ZNF367: variants seen among roughly 807,000 people sequenced by gnomAD.
The protein encoded by ZNF367 is C2H2 zinc finger protein ZFF29.
Under a neutral mutation model 31.8 loss-of-function variants are expected in ZNF367, and 11 were observed. The ratio of observed to expected loss-of-function variants is 0.35; its 90% CI spans 0.22 to 0.57. The LOEUF is 0.57. Ranked by LOEUF, ZNF367 falls within the 20% of genes least tolerant of loss-of-function variation. ZNF367 has a pLI of 0.85. For synonymous variants in ZNF367, 199 were observed against 202.4 expected (o/e 0.98, Z 0.14); for missense variants, 353 against 484.1 (o/e 0.73, Z 2.54).
At chr9:96,399,461 A>G (rs1403923134) in intron 1 of ZNF367, among the ~76,000 whole-genome samples, 2 of 152,162 alleles carry the variant, frequency 1.3e-5, no homozygotes, top group Non-Finnish European at 2.9e-5. Flanking sequence ...TCAAGGCTAC[A>G]GTGAGTTATG....
chr9:96,407,417 T>C lies in ZNF367; in HGVS notation c.421-9103A>G. ...AAGAAGGCAAAGAAAATGATTGGTC[T>C]GAAGGCTAAGCTTTAACATAAACAG... On this transcript the variant is annotated intron_variant, in intron 1 of 4. Transcript: ENST00000375256. 6.2e-6 allele frequency: 9 copies of C among 1,454,794 alleles called. No homozygotes were observed. The South Asian group carries it at 9.1e-5, about 15-fold the overall frequency. 90.1% of individuals were successfully genotyped at this position (1,454,794 alleles called of 1,614,324 possible).
chr9:96,400,490 G>A (rs551863402), intron 1 of ZNF367, among the ~76,000 whole-genome samples: 1 of 149,792 alleles, frequency 6.7e-6, no homozygotes, highest in Non-Finnish European at 1.5e-5. Flanking sequence ...CAAAGAGACA[G>A]AAATTATAAA....
rs943683657 is a variant in ZNF367 at position 96,386,607 on chromosome 9, C to G, written c.*1630G>C. 6.6e-6 allele frequency: 1 copy of G among 152,050 alleles called. No homozygotes were observed. The highest frequency in any genetic ancestry group is 2.4e-5 in the African/African-American group (1 of 41,422). The allele number at this position is 152,050 out of a possible 1,614,324, so 9.4% of individuals were successfully genotyped here. On this transcript the variant is annotated 3_prime_UTR_variant, in exon 5 of 5. Transcript: ENST00000375256. ...ATAAATTCTCTTATTACAAAAAAAT[C>G]CCTAAAGATTTGTAATTTACTGTAC...
intron 1 of ZNF367, among the ~76,000 whole-genome samples, chr9:96,404,542 G>A (rs1007247850): frequency 3.3e-5 from 5 of 150,110 alleles, no homozygotes; most frequent in Non-Finnish European, 7.4e-5. Flanking sequence ...GCAGTGAGCC[G>A]AGATCACGCC....
intron 4 of ZNF367, among the ~76,000 whole-genome samples, chr9:96,389,875 G>A (rs1036249936): frequency 2.7e-5 from 4 of 147,906 alleles, no homozygotes; most frequent in African/African-American, 1.0e-4. Context: ...AATTATAGGC[G>A]CCCACCACCA....
chr9:96,404,191 T>C (rs1831642181), intron 1 of ZNF367, among the ~76,000 whole-genome samples: 1 of 151,600 alleles, frequency 6.6e-6, no homozygotes, highest in Admixed American at 6.6e-5. Flanking sequence ...CCGGGCGCGG[T>C]GGCTCACGCC....
chr9:96,405,338 T>A (rs868080972), intron 1 of ZNF367, among the ~76,000 whole-genome samples: 361 of 115,540 alleles, frequency 3.1e-3, no homozygotes, highest in African/African-American at 8.0e-3. Context: ...AAAAAAAAAA[T>A]CCTCAAAATT....
chr9:96,413,652 C>G (rs760883436), intron 1 of ZNF367, among the ~76,000 whole-genome samples: 2 of 152,142 alleles, frequency 1.3e-5, no homozygotes, highest in Non-Finnish European at 2.9e-5. Context: ...CTGCTTTCTT[C>G]CCTCTCAGAA....
At chr9:96,403,472 G>GT (rs945899859) in intron 1 of ZNF367, among the ~76,000 whole-genome samples, 5 of 151,666 alleles carry the variant, frequency 3.3e-5, no homozygotes, top group African/African-American at 7.3e-5. Context: ...AATTCCAGGG[G>GT]TTTTTTTTCT....
intron 1 of ZNF367, among the ~76,000 whole-genome samples, chr9:96,411,382 C>CA (rs1282481338): frequency 0.011 from 1,257 of 118,470 alleles, 9 homozygotes; most frequent in African/African-American, 0.03. Flanking sequence ...CCCCTGTCTA[C>CA]AAAAAAAAAA....
intron 2 of ZNF367, among the ~76,000 whole-genome samples, chr9:96,395,184 T>C (rs1367901338): frequency 6.6e-6 from 1 of 152,136 alleles, no homozygotes; most frequent in Non-Finnish European, 1.5e-5. Flanking sequence ...TTATCCCATA[T>C]TTTTTCTCCC....
intron 1 of ZNF367, among the ~76,000 whole-genome samples, chr9:96,411,473 G>C (rs1831748995): frequency 1.3e-5 from 2 of 151,958 alleles, no homozygotes; most frequent in Non-Finnish European, 2.9e-5. Flanking sequence ...TGAGGTGGGA[G>C]GATCACTTGA....
intron 1 of ZNF367, among the ~76,000 whole-genome samples, chr9:96,403,072 C>A (rs2131077088): frequency 6.6e-6 from 1 of 152,146 alleles, no homozygotes; most frequent in African/African-American, 2.4e-5. Context: ...CAGGTTCCAG[C>A]AATTCTCCTG....
intron 1 of ZNF367, among the ~76,000 whole-genome samples, chr9:96,410,900 C>CA (rs151061347): frequency 0.013 from 1,864 of 146,824 alleles, 17 homozygotes; most frequent in Non-Finnish European, 0.019. Context: ...CAAAACAAAA[C>CA]AAAAAAAACA....
At chr9:96,413,687 A>G (rs1831781632) in intron 1 of ZNF367, among the ~76,000 whole-genome samples, 1 of 152,148 alleles carries the variant, frequency 6.6e-6, no homozygotes, top group South Asian at 2.1e-4. Flanking sequence ...AGAAGATAAT[A>G]TATAATTATA....
chr9:96,417,972 T>C lies in ZNF367; in HGVS notation c.61A>G (p.Ile21Val), dbSNP rs750624888. ...CGCTTCGGGGAGTCGTGGCAGAAGA[T>C]GACGGGCGGCGGCGGCGGCGGCGGG... The part of the protein sequence containing the change: ...ENPPPPPPPV[I>V]FCHDSPKRVL... Residue 21 changes from isoleucine (I) to valine (V), a missense_variant, in exon 1 of 5, where the codon ATC (isoleucine) becomes GTC (valine). Around this residue, in one of 5 missense-constraint regions of ZNF367, gnomAD observed 94 missense variants for 86.7 expected, o/e 1.08. Coordinates refer to ENST00000375256, the MANE Select transcript of ZNF367 (RefSeq NM_153695.4). This position sits in a 1 kb window ranked among gnomAD's most constrained non-coding sequence, Gnocchi z 5.0. 3.4e-6 allele frequency: 5 copies of C among 1,464,146 alleles called. No homozygotes were observed. The South Asian group carries it at 5.3e-5, about 16-fold the overall frequency. 90.7% of individuals were successfully genotyped at this position (1,464,146 alleles called of 1,614,324 possible).
At chr9:96,401,874 C>A (rs1010760135) in intron 1 of ZNF367, among the ~76,000 whole-genome samples, 7 of 150,946 alleles carry the variant, frequency 4.6e-5, no homozygotes, top group Non-Finnish European at 1.0e-4. Context: ...TGGTGTGTGC[C>A]TATAGTCCCA....
chr9:96,416,173 C>T (rs1160315154), intron 1 of ZNF367, among the ~76,000 whole-genome samples: 3 of 150,936 alleles, frequency 2.0e-5, no homozygotes, highest in African/African-American at 7.3e-5. Flanking sequence ...CTGCAAGCTC[C>T]GCCTCCCGCT....
chr9:96,415,221 ATTT>A (rs775576212), intron 1 of ZNF367, among the ~76,000 whole-genome samples: 11 of 128,886 alleles, frequency 8.5e-5, no homozygotes, highest in East Asian at 2.3e-4. Flanking sequence ...CCCCTGGCCA[ATTT>A]TTTTTTTTTT....
Sources: gnomAD v4.1 joint callset for allele counts (sites outside exome capture counted in the v4.1 genomes callset) on GRCh38, gnomAD v4.1.1 for gene constraint, gnomAD v4.1.1 regional missense constraint, Gnocchi (gnomAD v3.1) non-coding constraint, MANE v1.5 for transcripts, NCBI Gene and HGNC (gene_info 2026-07-23, HGNC 2026-07-21) for gene names.